Variants in PALM2AKAP2 observed in about 807,000 individuals in gnomAD.
PALM2AKAP2 encodes the protein PALM2 and AKAP2 fusion.
A neutral mutation model predicts 71.5 loss-of-function variants in PALM2AKAP2; 37 were observed. The observed-to-expected ratio is 0.52, with a 90% confidence interval of 0.40 to 0.68. PALM2AKAP2 has a LOEUF of 0.68. PALM2AKAP2 is among the 30% of genes least tolerant of loss of function. The probability of loss-of-function intolerance (pLI) is 0.00; values close to 1 mark genes in which losing one functional copy is unlikely to be tolerated. For missense variants in PALM2AKAP2, 1,224 were observed against 1,191.8 expected (o/e 1.03, Z -0.40); for synonymous variants, 468 against 478.8 (o/e 0.98, Z 0.29).
chr9:109,989,285 C>T (rs1175556543), intron 6 of PALM2AKAP2, among the ~76,000 whole-genome samples: 1 of 152,192 alleles, frequency 6.6e-6, no homozygotes, highest in Non-Finnish European at 1.5e-5. Context: ...ATCCTGTTGT[C>T]TTGCCCAACA....
chr9:109,723,726 C>T (rs1398784554), intron 1 of PALM2AKAP2, among the ~76,000 whole-genome samples: 1 of 152,160 alleles, frequency 6.6e-6, no homozygotes, highest in Non-Finnish European at 1.5e-5. Context: ...GTACACAGCA[C>T]CTGCAAAAAA....
At chr9:109,764,068 C>T (rs1829105170) in intron 1 of PALM2AKAP2, among the ~76,000 whole-genome samples, 1 of 152,174 alleles carries the variant, frequency 6.6e-6, no homozygotes, top group Non-Finnish European at 1.5e-5. Flanking sequence ...GTACAGTCAT[C>T]ATAGTTATTA....
At chr9:110,003,231 G>A (rs1452470980) in intron 6 of PALM2AKAP2, among the ~76,000 whole-genome samples, 3 of 152,010 alleles carry the variant, frequency 2.0e-5, no homozygotes, top group African/African-American at 7.2e-5. Flanking sequence ...GGTATGTTGT[G>A]TCTTTGTTCT....
At chr9:109,780,270 G>A (rs1829417254), upstream of PALM2AKAP2, 2 of 1,189,670 alleles carry the variant, frequency 1.7e-6, no homozygotes, top group South Asian at 4.0e-5. Context: ...GCGCTGGGGC[G>A]CAGCCAGGCG....
chr9:110,115,827 T>C (rs1383596469), intron 1 of PALM2AKAP2, among the ~76,000 whole-genome samples: 1 of 152,220 alleles, frequency 6.6e-6, no homozygotes, highest in East Asian at 1.9e-4. Context: ...AATAGGTAGC[T>C]GATTCCATCA....
intron 2 of PALM2AKAP2, among the ~76,000 whole-genome samples, chr9:110,144,499 C>G (rs954239929): frequency 6.6e-6 from 1 of 152,226 alleles, no homozygotes; most frequent in African/African-American, 2.4e-5. Flanking sequence ...CAACAGCCCT[C>G]TAAGATACAA....
chr9:109,979,779 ATAAT>A (rs1229932166), intron 6 of PALM2AKAP2, among the ~76,000 whole-genome samples: 4 of 152,236 alleles, frequency 2.6e-5, no homozygotes, highest in African/African-American at 7.2e-5. Flanking sequence ...TTGGTGAATG[ATAAT>A]TAAGAGCACC....
At chr9:110,145,752 A>G (rs16914814) in intron 2 of PALM2AKAP2, among the ~76,000 whole-genome samples, 24,326 of 142,766 alleles carry the variant, frequency 0.17, 2,924 homozygotes, top group African/African-American at 0.32. Flanking sequence ...TGTTGAAGCT[A>G]TGTTTGGCAA....
At chr9:109,920,622 G>A (rs967464912) in intron 3 of PALM2AKAP2, among the ~76,000 whole-genome samples, 1 of 151,862 alleles carries the variant, frequency 6.6e-6, no homozygotes, top group African/African-American at 2.4e-5. Context: ...TCAGGTATAC[G>A]CCTGCCTCGG....
intron 1 of PALM2AKAP2, among the ~76,000 whole-genome samples, chr9:109,829,536 T>G (rs984402115): frequency 1.3e-5 from 2 of 152,030 alleles, no homozygotes; most frequent in Non-Finnish European, 2.9e-5. Context: ...TAAAAACAGA[T>G]TTCTAAGTTC....
intron 1 of PALM2AKAP2, among the ~76,000 whole-genome samples, chr9:109,748,619 G>C (rs1360169801): frequency 6.6e-6 from 1 of 152,208 alleles, no homozygotes; most frequent in Non-Finnish European, 1.5e-5. Context: ...TGTCCTATCT[G>C]TCATGATGCT....
chr9:109,755,723 A>C (rs7848168), intron 1 of PALM2AKAP2, among the ~76,000 whole-genome samples: 46,246 of 151,628 alleles, frequency 0.3, 7,193 homozygotes, highest in Middle Eastern at 0.4. Flanking sequence ...ATCCCTTTAC[A>C]CTGCTTAACT....
intron 3 of PALM2AKAP2, among the ~76,000 whole-genome samples, chr9:109,909,531 T>C (rs764941440): frequency 2.0e-5 from 3 of 152,158 alleles, no homozygotes; most frequent in Non-Finnish European, 4.4e-5. Flanking sequence ...GAAGCCATCA[T>C]CAAAGGAAGA....
At chr9:109,727,972 G>C (rs1185860242) in intron 1 of PALM2AKAP2, among the ~76,000 whole-genome samples, 1 of 152,134 alleles carries the variant, frequency 6.6e-6, no homozygotes, top group Non-Finnish European at 1.5e-5. Context: ...AAAACCTCTT[G>C]GGCCTCCGCA....
intron 1 of PALM2AKAP2, among the ~76,000 whole-genome samples, chr9:109,718,308 G>A (rs1279814084): frequency 6.6e-6 from 1 of 152,114 alleles, no homozygotes; most frequent in Non-Finnish European, 1.5e-5. Flanking sequence ...TCCAACTCCT[G>A]AGCTCAAGAG....
At position 110,055,967 on chromosome 9, in the gene PALM2AKAP2, G is replaced by T. The variant is rs570656719; in HGVS notation, c.156+7112G>T. Among the ~76,000 whole-genome samples the T allele has an allele frequency of 2.6e-5, 4 of 152,298 alleles. No individual in the cohort carries two copies. The East Asian group carries it at 5.8e-4, about 22-fold the overall frequency. ...CATGGCTCTTTCCAGGGCGTTTGTG[G>T]GAAACCTGTGGGGCTAGGACTGAGC... On this transcript the variant is annotated intron_variant, in intron 1 of 3. Transcript: ENST00000374525.
intron 6 of PALM2AKAP2, chr9:109,943,564 C>T: frequency 7.9e-7 from 1 of 1,261,748 alleles, no homozygotes; most frequent in East Asian, 2.3e-5. Context: ...TTTGATCTCT[C>T]TCATTTTTTT....
intron 3 of PALM2AKAP2, among the ~76,000 whole-genome samples, chr9:110,158,854 A>C (rs1232762417): frequency 6.6e-6 from 1 of 152,200 alleles, no homozygotes. Context: ...AAAATCTACC[A>C]ATCCACTATA....
chr9:110,101,081 G>A (rs1239148558), intron 1 of PALM2AKAP2, among the ~76,000 whole-genome samples: 1 of 152,150 alleles, frequency 6.6e-6, no homozygotes, highest in Non-Finnish European at 1.5e-5. Context: ...AAGCCCTTGA[G>A]AGCTTCTAGG....
Sources: allele counts gnomAD v4.1 joint callset (sites outside exome capture counted in the v4.1 genomes callset), GRCh38; gene constraint gnomAD v4.1.1; transcripts MANE v1.5; gene names NCBI Gene and HGNC (gene_info 2026-07-23, HGNC 2026-07-21).